ARNT: variants seen among roughly 807,000 people sequenced by gnomAD.
ARNT encodes the protein class E basic helix-loop-helix protein 2.
Under a neutral mutation model 105.0 loss-of-function variants are expected in ARNT, and 30 were observed. The observed-to-expected ratio is 0.29, with a 90% CI of 0.21 to 0.39. ARNT has a LOEUF of 0.39. Among genes scored for constraint, ARNT ranks in the 10% least tolerant of loss-of-function variants. The pLI is 1.00. For missense variants in ARNT, 748 were observed against 978.7 expected (o/e 0.76, Z 3.15); for synonymous variants, 304 against 344.0 (o/e 0.88, Z 1.29).
chr1:150,819,999 G>C (rs1656728812), intron 14 of ARNT, among the ~76,000 whole-genome samples: 1 of 152,228 alleles, frequency 6.6e-6, no homozygotes, highest in African/African-American at 2.4e-5. Context: ...GAGAGGAACA[G>C]TAACTAATGA....
chr1:150,839,666 G>T lies in ARNT; in HGVS notation c.273-12C>A. On this transcript the variant is annotated splice_polypyrimidine_tract_variant and intron_variant, in intron 5 of 21. Coordinates refer to ENST00000358595, the MANE Select transcript of ARNT (RefSeq NM_001668.4). ...CACTGTGATTTTCCCTGCATGGAAAGAAAGAGAAGCCCCATCCAGGTGGTC... is the reference window on the plus strand; with the variant it reads ...CACTGTGATTTTCCCTGCATGGAAATAAAGAGAAGCCCCATCCAGGTGGTC... 1 of 1,609,158 alleles carries T rather than the reference G, an allele frequency of 6.2e-7. No homozygotes were observed. Among genetic ancestry groups the T allele is most frequent in the Non-Finnish European group, 8.5e-7 (1 of 1,177,638 alleles).
chr1:150,852,999 G>A (rs1457374539), intron 2 of ARNT, among the ~76,000 whole-genome samples, 193 bp from the exon 3 acceptor site: 1 of 152,120 alleles, frequency 6.6e-6, no homozygotes, highest in Non-Finnish European at 1.5e-5. Flanking sequence ...ACAAAACTGG[G>A]GCCAGGAGTG....
intron 15 of ARNT, among the ~76,000 whole-genome samples, chr1:150,817,642 T>C (rs1162094214): frequency 1.3e-5 from 2 of 151,926 alleles, no homozygotes; most frequent in Non-Finnish European, 2.9e-5. Flanking sequence ...ACCCCGTCTC[T>C]ACTAAAAATA....
At chr1:150,859,369 G>A (rs1366327137) in intron 1 of ARNT, among the ~76,000 whole-genome samples, 1 of 147,374 alleles carries the variant, frequency 6.8e-6, no homozygotes, top group Non-Finnish European at 1.5e-5. Context: ...TTTTAAGACA[G>A]GGTCTCACTT....
intron 12 of ARNT, among the ~76,000 whole-genome samples, chr1:150,828,712 A>T (rs1322633798): frequency 6.6e-6 from 1 of 152,232 alleles, no homozygotes; most frequent in Non-Finnish European, 1.5e-5. Flanking sequence ...TTGCATGAGT[A>T]AATTATAATA....
chr1:150,858,679 A>T (rs1016164231), intron 1 of ARNT, among the ~76,000 whole-genome samples: 2 of 149,164 alleles, frequency 1.3e-5, no homozygotes, highest in Non-Finnish European at 3.0e-5. Context: ...GCACTGGTAT[A>T]ATCACTGGTA....
intron 1 of ARNT, among the ~76,000 whole-genome samples, chr1:150,867,563 A>G (rs1666807885): frequency 6.6e-6 from 1 of 152,132 alleles, no homozygotes; most frequent in South Asian, 2.1e-4. Context: ...ATAGATAAAA[A>G]TATAGGAAAG....
chr1:150,840,601 T>A (rs1661100236), intron 5 of ARNT, among the ~76,000 whole-genome samples: 1 of 152,194 alleles, frequency 6.6e-6, no homozygotes, highest in African/African-American at 2.4e-5. Context: ...GCACTAAACT[T>A]CTTACAAGAC....
At chr1:150,860,276 C>T (rs1444445208) in intron 1 of ARNT, among the ~76,000 whole-genome samples, 2 of 140,942 alleles carry the variant, frequency 1.4e-5, no homozygotes, top group East Asian at 2.1e-4. Flanking sequence ...AGTGCAGTGG[C>T]GCAATCTTGG....
intron 13 of ARNT, among the ~76,000 whole-genome samples, chr1:150,825,538 G>A (rs956457494): frequency 2.6e-5 from 4 of 151,980 alleles, no homozygotes; most frequent in African/African-American, 4.8e-5. Flanking sequence ...AATTCATTAC[G>A]ACTCTCACTC....
chr1:150,839,343 A>T, intron 6 of ARNT, 98 bp downstream of exon 6: 2 of 1,244,624 alleles, frequency 1.6e-6, no homozygotes, highest in Non-Finnish European at 2.3e-6. Context: ...CCATTGTCTG[A>T]CTTCTTCCTG....
chr1:150,865,783 A>G (rs1292686518), intron 1 of ARNT, among the ~76,000 whole-genome samples: 1 of 152,152 alleles, frequency 6.6e-6, no homozygotes, highest in Non-Finnish European at 1.5e-5. Context: ...CCTATTTCCT[A>G]TATTTCGTAT....
intron 14 of ARNT, among the ~76,000 whole-genome samples, 182 bp downstream of exon 14, chr1:150,823,012 G>A (rs1170921932): frequency 6.6e-6 from 1 of 152,128 alleles, no homozygotes; most frequent in Non-Finnish European, 1.5e-5. Flanking sequence ...CACCTCTCAG[G>A]TTCAAGTGAT....
chr1:150,861,380 A>G lies in ARNT; in HGVS notation c.26-2920T>C, dbSNP rs587613314. On this transcript the variant is annotated intron_variant, in intron 1 of 21. Transcript: ENST00000358595. Reference sequence around the variant, plus strand: ...AATTACCACATGATCCAGCAATTCCACCTCTGGGTATATACCTGAAAGAAT... The same window carrying G: ...AATTACCACATGATCCAGCAATTCCGCCTCTGGGTATATACCTGAAAGAAT... 9 of 347,422 alleles carry G rather than the reference A, an allele frequency of 2.6e-5. No homozygotes were observed. In the East Asian group the frequency reaches 4.3e-4, roughly 17 times the overall value. 21.5% of individuals were successfully genotyped at this position (347,422 alleles called of 1,614,324 possible). A position where few individuals can be genotyped will look rare whatever the true frequency, so the allele number is the denominator to read the frequency against.
intron 5 of ARNT, among the ~76,000 whole-genome samples, chr1:150,840,945 CT>C (rs777444553): frequency 1.5e-3 from 159 of 103,722 alleles, no homozygotes; most frequent in East Asian, 4.3e-3. Context: ...CTCTCTTCTT[CT>C]TTTTTTTTTT....
chr1:150,818,076 A>G, intron 14 of ARNT, 46 bp from the exon 15 acceptor site: 2 of 1,107,542 alleles, frequency 1.8e-6, no homozygotes, highest in Non-Finnish European at 2.6e-6. Flanking sequence ...AGAGGGAGGA[A>G]GGGGGGAGAG....
Position 150,829,180 on chromosome 1 carries a change from T to C in ARNT, c.1080A>G (p.Pro360=), listed in dbSNP as rs1360047028. The C allele has an allele frequency of 2.5e-6, 4 of 1,614,160 alleles. No homozygotes were observed. Among genetic ancestry groups the C allele is most frequent in the Non-Finnish European group, 1.7e-6 (2 of 1,180,014 alleles). Reference sequence around the variant, plus strand: ...TGTTGTGTCGGGAGATGAACTCTGTTGGTTGACAAACATTACTCATGTCTG... The same window carrying C: ...TGTTGTGTCGGGAGATGAACTCTGTCGGTTGACAAACATTACTCATGTCTG... ...NCTDMSNVCQ[P]TEFISRHNIE... Residue 360 remains proline, a synonymous_variant, in exon 12 of 22, where the codon CCA becomes CCG. Coordinates refer to ENST00000358595, the MANE Select transcript of ARNT (RefSeq NM_001668.4).
chr1:150,812,209 C>G, intron 21 of ARNT, 99 bp from the exon 22 acceptor site: 2 of 831,134 alleles, frequency 2.4e-6, no homozygotes, highest in Non-Finnish European at 1.7e-6. Context: ...TCCCTGACCC[C>G]GAGTCTTTGC....
At chr1:150,839,795 T>C in intron 5 of ARNT, 141 bp from the exon 6 acceptor site, 1 of 894,072 alleles carries the variant, frequency 1.1e-6, no homozygotes, top group East Asian at 2.7e-5. Context: ...GCAGTTAAAA[T>C]AAGGTTTGCC....
Sources: allele counts gnomAD v4.1 joint callset (sites outside exome capture counted in the v4.1 genomes callset), GRCh38; gene constraint gnomAD v4.1.1; transcripts MANE v1.5; gene names NCBI Gene and HGNC (gene_info 2026-07-23, HGNC 2026-07-21).